The following PRTFDC1 variants were observed in gnomAD, a reference collection of about 807,000 sequenced individuals.
The protein encoded by PRTFDC1 is phosphoribosyl transferase domain containing 1.
Under a neutral mutation model 34.6 loss-of-function variants are expected in PRTFDC1, and 38 were observed. That is an observed-to-expected ratio of 1.10 (90% confidence interval 0.85 to 1.44). The LOEUF is 1.44. PRTFDC1 is among the 40% of genes most tolerant of loss of function. The probability of loss-of-function intolerance (pLI) is 0.00; values close to 1 mark genes in which losing one functional copy is unlikely to be tolerated. For synonymous variants in PRTFDC1, 93 were observed against 98.1 expected (o/e 0.95, Z 0.31); for missense variants, 270 against 283.0 (o/e 0.95, Z 0.33).
chr10:24,946,160 C>A (rs979939261), intron 1 of PRTFDC1, among the ~76,000 whole-genome samples: 1 of 152,044 alleles, frequency 6.6e-6, no homozygotes, highest in Non-Finnish European at 1.5e-5. Flanking sequence ...TCCTTTACTG[C>A]CCCCGTTCTG....
Position 24,887,217 on chromosome 10 carries a change from G to A in PRTFDC1, c.340-15154C>T, listed in dbSNP as rs1241412680. On this transcript the variant is annotated intron_variant, in intron 3 of 8. Coordinates refer to ENST00000320152, the MANE Select transcript of PRTFDC1 (RefSeq NM_020200.7). ...GATCTCCTGACCTCATGATCCACCC[G>A]CCTCGGCCTCCCAAAGTGCTGGGAT... 5.3e-5 allele frequency among the ~76,000 whole-genome samples: 8 copies of A among 151,668 alleles called. No individual in the cohort carries two copies. The East Asian group carries it at 5.8e-4, about 11-fold the overall frequency.
At chr10:24,907,702 A>G (rs983682323) in intron 3 of PRTFDC1, among the ~76,000 whole-genome samples, 2 of 152,224 alleles carry the variant, frequency 1.3e-5, no homozygotes, top group Admixed American at 6.5e-5. Flanking sequence ...GCATTTGTAC[A>G]CTTCATTTGA....
intron 4 of PRTFDC1, among the ~76,000 whole-genome samples, chr10:24,859,139 A>G (rs1847632001): frequency 6.6e-6 from 1 of 152,118 alleles, no homozygotes; most frequent in Admixed American, 6.5e-5. Context: ...TGAATGGTTT[A>G]GCATCATCAT....
intron 4 of PRTFDC1, among the ~76,000 whole-genome samples, chr10:24,866,643 C>G (rs1374445243): frequency 6.6e-6 from 1 of 152,082 alleles, no homozygotes; most frequent in Non-Finnish European, 1.5e-5. Flanking sequence ...CTTAAACACA[C>G]CGAATAAAAT....
intron 3 of PRTFDC1, among the ~76,000 whole-genome samples, chr10:24,882,142 G>T (rs1400593655): frequency 4.1e-5 from 6 of 147,568 alleles, no homozygotes; most frequent in Admixed American, 2.8e-4. Flanking sequence ...GGGAGGCAGA[G>T]GTTGCAGTGA....
Position 24,848,814 on chromosome 10 carries a change from G to A in PRTFDC1, c.*1030C>T, listed in dbSNP as rs1847432728. 1 of 152,164 alleles carries A rather than the reference G, an allele frequency of 6.6e-6. No individual in the cohort carries two copies. Among genetic ancestry groups the A allele is most frequent in the African/African-American group, 2.4e-5 (1 of 41,442 alleles). 9.4% of individuals were successfully genotyped at this position (152,164 alleles called of 1,614,324 possible). A position where few individuals can be genotyped will look rare whatever the true frequency, so the allele number is the denominator to read the frequency against. ...TTAAAATCCCCATAAATTAGGAAAT[G>A]TCTTATAAAACGGAGAAATTGGAAA... On this transcript the variant is annotated 3_prime_UTR_variant, in exon 9 of 9. Coordinates refer to ENST00000320152, the MANE Select transcript of PRTFDC1 (RefSeq NM_020200.7).
At chr10:24,870,729 T>A (rs1847855146) in intron 4 of PRTFDC1, among the ~76,000 whole-genome samples, 1 of 152,134 alleles carries the variant, frequency 6.6e-6, no homozygotes, top group Non-Finnish European at 1.5e-5. Flanking sequence ...TGGAACACAA[T>A]TTACTGCTAG....
chr10:24,916,433 T>C (rs1247170260), intron 3 of PRTFDC1, among the ~76,000 whole-genome samples: 1 of 152,192 alleles, frequency 6.6e-6, no homozygotes, highest in Non-Finnish European at 1.5e-5. Context: ...GCTAACTCCA[T>C]ACAGTGGCCT....
At chr10:24,894,093 G>A (rs1392100677) in intron 3 of PRTFDC1, among the ~76,000 whole-genome samples, 1 of 152,186 alleles carries the variant, frequency 6.6e-6, no homozygotes, top group Non-Finnish European at 1.5e-5. Context: ...AGCACTTTGG[G>A]AGGCCGAGGT....
intron 3 of PRTFDC1, among the ~76,000 whole-genome samples, chr10:24,930,053 C>T (rs1848947839): frequency 6.6e-6 from 1 of 150,646 alleles, no homozygotes; most frequent in Admixed American, 6.7e-5. Context: ...GACCCTGCCT[C>T]TAAACACATG....
At chr10:24,857,909 GA>G (rs1847611783) in intron 5 of PRTFDC1, among the ~76,000 whole-genome samples, 1 of 151,638 alleles carries the variant, frequency 6.6e-6, no homozygotes, top group Non-Finnish European at 1.5e-5. Context: ...AACGAAAAAC[GA>G]AAAACAAAAA....
rs1416978582 is a variant in PRTFDC1 at position 24,921,271 on chromosome 10, C to T, written c.339+15913G>A. ...TTTCATTTCTCAGATCTCTTACACACGCCAATGTGAATTTTGGAAGTGTGA... is the reference window on the plus strand; with the variant it reads ...TTTCATTTCTCAGATCTCTTACACATGCCAATGTGAATTTTGGAAGTGTGA... On this transcript the variant is annotated intron_variant, in intron 3 of 8. Coordinates refer to ENST00000320152, the MANE Select transcript of PRTFDC1 (RefSeq NM_020200.7). 3.3e-5 allele frequency among the ~76,000 whole-genome samples: 5 copies of T among 152,106 alleles called. 1 individual carries two copies. Among genetic ancestry groups the T allele is most frequent in the Admixed American group, 3.3e-4 (5 of 15,264 alleles).
chr10:24,946,559 C>G (rs1412927947), intron 1 of PRTFDC1, among the ~76,000 whole-genome samples: 1 of 152,142 alleles, frequency 6.6e-6, no homozygotes, highest in Non-Finnish European at 1.5e-5. Flanking sequence ...ATCTCACACA[C>G]CTGGGACAAG....
chr10:24,912,130 A>G (rs1296647657), intron 3 of PRTFDC1, among the ~76,000 whole-genome samples: 1 of 151,548 alleles, frequency 6.6e-6, no homozygotes, highest in Non-Finnish European at 1.5e-5. Flanking sequence ...TTGGCCAGAT[A>G]CGGTGGTGCA....
intron 2 of PRTFDC1, among the ~76,000 whole-genome samples, chr10:24,941,159 T>G (rs1459977825): frequency 1.3e-5 from 2 of 151,852 alleles, no homozygotes; most frequent in Admixed American, 6.6e-5. Context: ...ACTCAAGTGA[T>G]CCTCTCGCCT....
intron 3 of PRTFDC1, among the ~76,000 whole-genome samples, chr10:24,883,818 C>G (rs1227958955): frequency 2.1e-5 from 2 of 96,570 alleles, no homozygotes; most frequent in Admixed American, 1.2e-4. Context: ...CTTAAGAGAC[C>G]TTTTTTTTTT....
chr10:24,937,329 C>T lies in PRTFDC1; in HGVS notation c.194G>A (p.Gly65Glu). ...RLAKDIMKDI[G>E]YSDIMVLCVL... is the part of the protein sequence containing the mutation. ...ACACAGGACCATGATGTCACTATAT[C>T]CTATGTCTTTCATAATATCCTTGGC... Residue 65 changes from glycine to glutamate, a missense_variant, in exon 3 of 9, where the codon GGA becomes GAA. Physicochemically the swap from Gly to Glu is moderately conservative, Grantham distance 98 (BLOSUM62 -2). Coordinates refer to ENST00000320152, the MANE Select transcript of PRTFDC1 (RefSeq NM_020200.7). 1.9e-6 allele frequency: 3 copies of T among 1,612,512 alleles called. No homozygotes were observed. Among genetic ancestry groups the T allele is most frequent in the Non-Finnish European group, 1.7e-6 (2 of 1,179,680 alleles).
intron 3 of PRTFDC1, among the ~76,000 whole-genome samples, chr10:24,932,040 T>C (rs1848981168): frequency 6.6e-6 from 1 of 151,932 alleles, no homozygotes; most frequent in South Asian, 2.1e-4. Flanking sequence ...ATTACATTAA[T>C]GGAAAGATAG....
chr10:24,850,962 T>C (rs942877405), intron 8 of PRTFDC1, among the ~76,000 whole-genome samples: 3 of 152,124 alleles, frequency 2.0e-5, no homozygotes, highest in East Asian at 1.9e-4. Context: ...GGGGTCCACG[T>C]CTGTGTGGTG....
Sources: gnomAD v4.1 joint callset for allele counts (sites outside exome capture counted in the v4.1 genomes callset) on GRCh38, gnomAD v4.1.1 for gene constraint, MANE v1.5 for transcripts, NCBI Gene and HGNC (gene_info 2026-07-23, HGNC 2026-07-21) for gene names.